The following RHOBTB3 variants were observed in gnomAD, a reference collection of about 807,000 sequenced individuals.
RHOBTB3 encodes rho-related BTB domain-containing protein 3.
RHOBTB3 carries 47 observed loss-of-function variants against 67.2 expected under a neutral mutation model. The ratio of observed to expected loss-of-function variants is 0.70; its 90% CI spans 0.55 to 0.89. The LOEUF (loss-of-function observed/expected upper bound fraction) is 0.89. Among genes scored for constraint, RHOBTB3 ranks in the 40% least tolerant of loss-of-function variants. The pLI is 0.00. For synonymous variants in RHOBTB3, 273 were observed against 274.2 expected (o/e 1.00, Z 0.04); for missense variants, 631 against 750.0 (o/e 0.84, Z 1.85).
intron 6 of RHOBTB3, among the ~76,000 whole-genome samples, chr5:95,761,147 T>C (rs6876583): frequency 0.52 from 78,341 of 151,932 alleles, 20,767 homozygotes; most frequent in Admixed American, 0.59. Context: ...AGGTGTTTTT[T>C]AGTTAATATG....
At chr5:95,741,010 T>G (rs557396619) in intron 3 of RHOBTB3, among the ~76,000 whole-genome samples, 1 of 152,306 alleles carries the variant, frequency 6.6e-6, no homozygotes, top group South Asian at 2.1e-4. Flanking sequence ...AAATCTAACA[T>G]ACTATTACAT....
At position 95,748,358 on chromosome 5, in the gene RHOBTB3, A is replaced by G. The variant is rs746912751; in HGVS notation, c.441A>G (p.Leu147=). 194 of 1,611,232 alleles carry G rather than the reference A, an allele frequency of 1.2e-4. No individual in the cohort carries two copies. The highest frequency in any genetic ancestry group is 1.6e-4 in the Non-Finnish European group (184 of 1,178,478). Residue 147 remains leucine (L), a synonymous_variant, in exon 4 of 12, where the codon CTA becomes CTG. Transcript: ENST00000379982. ...AAGAGTTACCTTGTACATGCCCACT[A>G]TGTACCTCAGACAGAGGGAGCTGTG... is the stretch of plus-strand genomic sequence containing the variant. The part of the protein sequence containing the change: ...QNEELPCTCP[L]CTSDRGSCVS...
At chr5:95,765,914 G>T (rs1274711237) in intron 7 of RHOBTB3, among the ~76,000 whole-genome samples, 1 of 152,044 alleles carries the variant, frequency 6.6e-6, no homozygotes, top group African/African-American at 2.4e-5. Flanking sequence ...CTCCCGCCTC[G>T]GCCTCCCAAA....
intron 8 of RHOBTB3, among the ~76,000 whole-genome samples, chr5:95,772,322 C>G (rs771472385): frequency 6.6e-6 from 1 of 152,144 alleles, no homozygotes; most frequent in Non-Finnish European, 1.5e-5. Flanking sequence ...TTGTATTAAC[C>G]AGACCAAGCA....
At chr5:95,725,315 C>T (rs1300169249) in intron 1 of RHOBTB3, among the ~76,000 whole-genome samples, 3 of 152,192 alleles carry the variant, frequency 2.0e-5, no homozygotes, top group Non-Finnish European at 4.4e-5. Context: ...ACAGTGTGAT[C>T]CCACTTAGAA....
chr5:95,741,563 T>G, intron 3 of RHOBTB3, among the ~76,000 whole-genome samples: 1 of 97,266 alleles, frequency 1.0e-5, no homozygotes, highest in South Asian at 4.7e-4. Context: ...GATCTTGCTG[T>G]GTTGCCTAGG....
In RHOBTB3 at chr5:95,749,879, G is replaced by T. The variant is rs117823818; in HGVS notation, c.570+1392G>T. On this transcript the variant is annotated intron_variant, in intron 4 of 11. Coordinates refer to ENST00000379982, the MANE Select transcript of RHOBTB3 (RefSeq NM_014899.4). ...GATCATTCTTCCCACTTTCCCACTC[G>T]CACTTTCTCTCCTCTCTTTCTCTTC... 1.6e-3 allele frequency among the ~76,000 whole-genome samples: 249 copies of T among 152,160 alleles called. 1 individual carries two copies. The highest frequency in any genetic ancestry group is 0.013 in the East Asian group (68 of 5,178).
chr5:95,744,255 A>G (rs1455339761), intron 3 of RHOBTB3, among the ~76,000 whole-genome samples: 2 of 152,158 alleles, frequency 1.3e-5, no homozygotes, highest in African/African-American at 2.4e-5. Flanking sequence ...CCCTCTACAC[A>G]GCCCCTATCA....
rs375794677 is a variant in RHOBTB3, at chr5:95,778,045, G to C, written c.1283-2207G>C. Among the ~76,000 whole-genome samples the C allele has an allele frequency of 4.9e-4, 74 of 152,136 alleles. 2 individuals carry two copies. The East Asian group carries it at 0.012, about 24-fold the overall frequency. On this transcript the variant is annotated intron_variant, in intron 8 of 11. Transcript: ENST00000379982. ...TGAGGCACGAGAATCATTTGAACCTGGGAGGCGGAGGTTGTGGTGAGTGAG... is the reference window on the plus strand; with the variant it reads ...TGAGGCACGAGAATCATTTGAACCTCGGAGGCGGAGGTTGTGGTGAGTGAG...
intron 10 of RHOBTB3, among the ~76,000 whole-genome samples, chr5:95,788,540 C>T (rs1242604251): frequency 2.0e-5 from 3 of 152,320 alleles, no homozygotes; most frequent in East Asian, 1.9e-4. Flanking sequence ...GATTGTTATT[C>T]GCTGTTGGCC....
At chr5:95,787,879 A>G (rs569985058) in intron 10 of RHOBTB3, among the ~76,000 whole-genome samples, 2 of 152,384 alleles carry the variant, frequency 1.3e-5, no homozygotes, top group African/African-American at 4.8e-5. Context: ...TTAATGGTAC[A>G]GAGTTTCAGT....
chr5:95,739,998 T>TCCC (rs1755553908), intron 3 of RHOBTB3, among the ~76,000 whole-genome samples: 1 of 152,198 alleles, frequency 6.6e-6, no homozygotes, highest in Non-Finnish European at 1.5e-5. Context: ...TCCCCATGTG[T>TCCC]CATGGGAGGG....
chr5:95,751,808 T>A (rs1247938933), intron 4 of RHOBTB3, among the ~76,000 whole-genome samples: 1 of 152,206 alleles, frequency 6.6e-6, no homozygotes, highest in Non-Finnish European at 1.5e-5. Context: ...CTTGTTCCTG[T>A]TAGTTCGTTT....
At chr5:95,789,103 T>C (rs1228316348) in intron 11 of RHOBTB3, 1 of 370,958 alleles carries the variant, frequency 2.7e-6, no homozygotes, top group Non-Finnish European at 4.8e-6. Context: ...CGTTTTTAAA[T>C]GCATTTTCTT....
At chr5:95,782,809 C>CAAA (rs5869692) in intron 9 of RHOBTB3, 16 of 99,140 alleles carry the variant, frequency 1.6e-4, no homozygotes, top group African/African-American at 3.9e-4. Context: ...GACTCCATCT[C>CAAA]AAAAAAAAAA....
At chr5:95,771,327 G>A (rs959487665) in intron 8 of RHOBTB3, among the ~76,000 whole-genome samples, 2 of 152,132 alleles carry the variant, frequency 1.3e-5, no homozygotes, top group African/African-American at 4.8e-5. Context: ...GTGTAGCAGC[G>A]AACAATAGTC....
At chr5:95,773,757 C>A (rs1456920126) in intron 8 of RHOBTB3, among the ~76,000 whole-genome samples, 1 of 152,160 alleles carries the variant, frequency 6.6e-6, no homozygotes, top group Non-Finnish European at 1.5e-5. Flanking sequence ...TTGTTCCTTT[C>A]ATGGCTAAAA....
At chr5:95,757,587 G>A (rs1242865258) in intron 6 of RHOBTB3, among the ~76,000 whole-genome samples, 1 of 152,166 alleles carries the variant, frequency 6.6e-6, no homozygotes, top group Non-Finnish European at 1.5e-5. Flanking sequence ...GTATTACTTT[G>A]TTCATGTGGT....
chr5:95,722,200 C>G (rs927611340), intron 1 of RHOBTB3, among the ~76,000 whole-genome samples: 1 of 152,082 alleles, frequency 6.6e-6, no homozygotes, highest in African/African-American at 2.4e-5. Flanking sequence ...AACAACACAG[C>G]AAGCAAAGGG....
Sources: allele counts gnomAD v4.1 joint callset (sites outside exome capture counted in the v4.1 genomes callset), GRCh38; gene constraint gnomAD v4.1.1; transcripts MANE v1.5; gene names NCBI Gene and HGNC (gene_info 2026-07-23, HGNC 2026-07-21).